DSC2: variants seen among roughly 807,000 people sequenced by gnomAD.
DSC2 encodes desmocollin-2.
Under a neutral mutation model 87.6 loss-of-function variants are expected in DSC2, and 51 were observed. The ratio of observed to expected loss-of-function variants is 0.58; its 90% CI spans 0.46 to 0.74. The LOEUF (loss-of-function observed/expected upper bound fraction) is 0.74, where lower values mean the gene tolerates loss of function less well. Ranked by LOEUF, DSC2 falls within the 30% of genes least tolerant of loss-of-function variation. The pLI, the probability that DSC2 is intolerant of heterozygous loss-of-function variation, is 0.00. For synonymous variants in DSC2, 383 were observed against 393.2 expected (o/e 0.97, Z 0.31); for missense variants, 1,066 against 1,089.5 (o/e 0.98, Z 0.30).
chr18:31,092,201 A>G lies in DSC2; in HGVS notation c.254T>C (p.Ile85Thr). Residue 85 changes from isoleucine to threonine, a missense_variant, in exon 3 of 16, where the codon ATT (isoleucine) becomes ACT (threonine). Physicochemically the swap from Ile to Thr is moderately conservative, Grantham distance 89. Transcript: ENST00000280904. ...ACTTCTCTTCTCCGAGGACAATAGA[A>G]TAGTATTTGTTGTATAGACTGAACC... ...EDGSVYTTNT[I>T]LLSSEKRSFT... 6.2e-7 allele frequency: 1 copy of G among 1,613,752 alleles called. No individual in the cohort carries two copies. The highest frequency in any genetic ancestry group is 1.1e-5 in the South Asian group (1 of 91,060).
intron 6 of DSC2, 29 bp from the exon 7 acceptor site, chr18:31,086,771 C>G: frequency 6.2e-7 from 1 of 1,604,230 alleles, no homozygotes; most frequent in Middle Eastern, 1.7e-4. Flanking sequence ...TTTTAATCTC[C>G]AAAACATTCA....
chr18:31,070,870 T>A lies in DSC2; in HGVS notation c.2126-20A>T, dbSNP rs779297158. The A allele has an allele frequency of 9.9e-6, 16 of 1,612,680 alleles. No individual in the cohort carries two copies. The East Asian group carries it at 2.7e-4, about 27-fold the overall frequency. ...GGATGCCTGGAGGAAGAAAGAAATA[T>A]ACTTGAGTTTATCATAAAATAATAT... On this transcript the variant is annotated intron_variant, in intron 13 of 15. Coordinates refer to ENST00000280904, the MANE Select transcript of DSC2 (RefSeq NM_024422.6).
chr18:31,082,119 G>A, intron 9 of DSC2, 119 bp downstream of exon 9: 1 of 875,694 alleles, frequency 1.1e-6, no homozygotes, highest in Non-Finnish European at 1.7e-6. Flanking sequence ...CAGAGCATTT[G>A]CATTTACTTA....
At chr18:31,099,458 G>A (rs1987864464) in intron 1 of DSC2, among the ~76,000 whole-genome samples, 1 of 152,080 alleles carries the variant, frequency 6.6e-6, no homozygotes, top group African/African-American at 2.4e-5. Context: ...TTAACAATAC[G>A]ATACACTTAG....
rs1986601557 is a variant in DSC2 at position 31,065,819 on chromosome 18, T to C, written c.*2196A>G. On this transcript the variant is annotated 3_prime_UTR_variant, in exon 16 of 16. Coordinates refer to ENST00000280904, the MANE Select transcript of DSC2 (RefSeq NM_024422.6). ...CAATCCCATACGAATGCCTCAGCAA[T>C]CTTTGCACTACGTATTCTGAAAAAC... 6.6e-6 allele frequency: 1 copy of C among 152,168 alleles called. No individual in the cohort carries two copies. Among genetic ancestry groups the C allele is most frequent in the Non-Finnish European group, 1.5e-5 (1 of 68,030 alleles). The allele number at this position is 152,168 out of a possible 1,614,324, so 9.4% of individuals were successfully genotyped here.
rs149347582 is a variant in DSC2 at position 31,092,295 on chromosome 18, G to A, written c.160C>T (p.Leu54=). The change falls in exon 3 of 16, where the codon CTG becomes TTG. Residue 54 remains leucine (L), a synonymous_variant. Transcript: ENST00000280904. The part of the protein sequence containing the change: ...DAEKLVGRVN[L]KECFTAANLI... ...TTTGCAGCTGTAAAGCACTCTTTCA[G>A]GTTAACTGTAGAAAATATGCACAGC... 14 of 1,612,934 alleles carry A rather than the reference G, an allele frequency of 8.7e-6. No homozygotes were observed. The African/African-American group carries it at 1.9e-4, about 22-fold the overall frequency.
At chr18:31,095,316 C>T (rs1987728851) in intron 1 of DSC2, among the ~76,000 whole-genome samples, 1 of 152,134 alleles carries the variant, frequency 6.6e-6, no homozygotes. Flanking sequence ...AACAAAAGGA[C>T]AGTCAATGGC....
rs149461331 is a variant in DSC2, at chr18:31,083,091, G to A, written c.943-31C>T. 203 of 1,600,268 alleles carry A rather than the reference G, an allele frequency of 1.3e-4. 1 individual carries two copies. In the East Asian group the frequency reaches 4.5e-3, roughly 36 times the overall value. ...AACAAAAAAAGAATTTAATTATTGG[G>A]GGAAAGCACCAACATTATAATTGAA... On this transcript the variant is annotated intron_variant, in intron 7 of 15. Coordinates refer to ENST00000280904, the MANE Select transcript of DSC2 (RefSeq NM_024422.6).
chr18:31,094,707 A>T (rs1789065), intron 1 of DSC2, among the ~76,000 whole-genome samples: 111,456 of 152,178 alleles, frequency 0.73, 41,533 homozygotes, highest in South Asian at 0.77. Context: ...TTAAAGACTT[A>T]AATTATCCAG....
In DSC2 at chr18:31,080,238, C is replaced by T; in HGVS notation, c.1378G>A (p.Val460Ile). Residue 460 changes from valine (V) to isoleucine (I), a missense_variant, in exon 10 of 16, where the codon GTT becomes ATT. Val to Ile is a conservative substitution (Grantham distance 29, BLOSUM62 3). Coordinates refer to ENST00000280904, the MANE Select transcript of DSC2 (RefSeq NM_024422.6). ...RSAMSTATVT[V>I]NVEDQDEGPE... ...CCCTCATCCTGATCTTCTACATTAACAGTAACTGTTGCTGTGCTCATGGCT... is the reference window on the plus strand; with the variant it reads ...CCCTCATCCTGATCTTCTACATTAATAGTAACTGTTGCTGTGCTCATGGCT... 2 of 1,614,044 alleles carry T rather than the reference C, an allele frequency of 1.2e-6. No individual in the cohort carries two copies. Among genetic ancestry groups the T allele is most frequent in the Non-Finnish European group, 1.7e-6 (2 of 1,180,000 alleles).
intron 3 of DSC2, chr18:31,091,704 T>TA: frequency 2.4e-6 from 1 of 414,106 alleles, no homozygotes; most frequent in Non-Finnish European, 4.8e-6. Context: ...AACCTCCTCC[T>TA]AAAATAGTTA....
At chr18:31,100,994 A>G (rs1987926363) in intron 1 of DSC2, among the ~76,000 whole-genome samples, 1 of 151,532 alleles carries the variant, frequency 6.6e-6, no homozygotes. Flanking sequence ...AATAAGGCCA[A>G]CCACTTAGGC....
At chr18:31,070,984 G>A in intron 13 of DSC2, 134 bp from the exon 14 acceptor site, 1 of 1,114,470 alleles carries the variant, frequency 9.0e-7, no homozygotes, top group Admixed American at 2.1e-5. Flanking sequence ...TGGATTGCTT[G>A]TGTCAAAGCA....
chr18:31,089,843 T>C (rs1987533041), intron 4 of DSC2, among the ~76,000 whole-genome samples: 1 of 152,180 alleles, frequency 6.6e-6, no homozygotes, highest in African/African-American at 2.4e-5. Flanking sequence ...ACAGGCTAGA[T>C]GGTGTCTATA....
chr18:31,089,406 T>C (rs1261167360), intron 5 of DSC2, 33 bp downstream of exon 5: 2 of 1,612,546 alleles, frequency 1.2e-6, no homozygotes, highest in Non-Finnish European at 1.7e-6. Context: ...AGCATCATCA[T>C]TGCTAATACA....
In DSC2 at chr18:31,064,362, CTG is replaced by C. The variant is rs1986563817; in HGVS notation, c.*3651_*3652del. The C allele has an allele frequency of 6.6e-6, 1 of 152,276 alleles. No individual in the cohort carries two copies. Among genetic ancestry groups the C allele is most frequent in the Admixed American group, 6.5e-5 (1 of 15,278 alleles). 9.4% of individuals were successfully genotyped at this position (152,276 alleles called of 1,614,324 possible). A position where few individuals can be genotyped will look rare whatever the true frequency, so the allele number is the denominator to read the frequency against. On this transcript the variant is annotated 3_prime_UTR_variant, in exon 16 of 16. Transcript: ENST00000280904. ...CATAGAAGCACAGTCCTTCTAGTCT[CTG>C]TTTTAAAAGGCTACATATGACTGCA...
At chr18:31,078,877 C>G (rs750888189) in intron 11 of DSC2, among the ~76,000 whole-genome samples, 1 of 152,024 alleles carries the variant, frequency 6.6e-6, no homozygotes, top group Non-Finnish European at 1.5e-5. Context: ...ATGCACCAAA[C>G]GCGTCTCATA....
At position 31,062,450 on chromosome 18, in the gene DSC2, A is replaced by G. The variant is rs1986519222; in HGVS notation, c.*5565T>C. ...GTTTGAACCTGGCAATGATGAAGTGACAGTCGCAAACATAATTTTCACATT... is the reference window on the plus strand; with the variant it reads ...GTTTGAACCTGGCAATGATGAAGTGGCAGTCGCAAACATAATTTTCACATT... On this transcript the variant is annotated 3_prime_UTR_variant, in exon 16 of 16. Coordinates refer to ENST00000280904, the MANE Select transcript of DSC2 (RefSeq NM_024422.6). 6.6e-6 allele frequency: 1 copy of G among 152,172 alleles called. No individual in the cohort carries two copies. The highest frequency in any genetic ancestry group is 6.5e-5 in the Admixed American group (1 of 15,268). 9.4% of individuals were successfully genotyped at this position (152,172 alleles called of 1,614,324 possible). A position where few individuals can be genotyped will look rare whatever the true frequency, so the allele number is the denominator to read the frequency against.
At position 31,092,089 on chromosome 18, in the gene DSC2, A is replaced by T. The variant is rs762813613; in HGVS notation, c.354+12T>A. On this transcript the variant is annotated intron_variant, in intron 3 of 15. Coordinates refer to ENST00000280904, the MANE Select transcript of DSC2 (RefSeq NM_024422.6). ...AAAGATATCATTTCTTCATTTATGT[A>T]GCCTTGTATACCTTTGTTTGATGCT... 6.2e-7 allele frequency: 1 copy of T among 1,603,572 alleles called. No homozygotes were observed. Among genetic ancestry groups the T allele is most frequent in the East Asian group, 2.2e-5 (1 of 44,704 alleles).
Sources: allele counts gnomAD v4.1 joint callset (sites outside exome capture counted in the v4.1 genomes callset), GRCh38; gene constraint gnomAD v4.1.1; transcripts MANE v1.5; gene names NCBI Gene and HGNC (gene_info 2026-07-23, HGNC 2026-07-21).